Variants in TRMT9B observed in about 807,000 individuals in gnomAD.
The protein encoded by TRMT9B is probable tRNA methyltransferase 9B.
Under a neutral mutation model 11.5 loss-of-function variants are expected in TRMT9B, and 16 were observed. The ratio of observed to expected loss-of-function variants is 1.39; its 90% confidence interval spans 0.94 to 2.11. TRMT9B has a LOEUF of 2.11. Ranked by LOEUF, TRMT9B falls within the 30% of genes most tolerant of loss-of-function variation. The pLI is 0.00. For synonymous variants in TRMT9B, 274 were observed against 192.4 expected, an observed-to-expected ratio of 1.42 and a Z score of -3.51; for missense variants, 941 against 553.8, an observed-to-expected ratio of 1.70 and a Z score of -7.02.
intron 2 of TRMT9B, among the ~76,000 whole-genome samples, chr8:12,999,770 G>A (rs1809061815): frequency 6.6e-6 from 1 of 152,162 alleles, no homozygotes; most frequent in Non-Finnish European, 1.5e-5. Flanking sequence ...GAATTAGGGA[G>A]TGTAGAGGTT....
intron 1 of TRMT9B, among the ~76,000 whole-genome samples, chr8:12,956,209 G>T (rs1319173667): frequency 2.0e-5 from 3 of 152,184 alleles, no homozygotes; most frequent in Non-Finnish European, 4.4e-5. Flanking sequence ...GGAGATAGGA[G>T]TGAATGTTCT....
intron 1 of TRMT9B, among the ~76,000 whole-genome samples, chr8:12,982,920 T>C (rs1805651575): frequency 6.6e-6 from 1 of 152,190 alleles, no homozygotes; most frequent in South Asian, 2.1e-4. Flanking sequence ...TATCTATGTT[T>C]TCCTCGCATG....
At chr8:12,965,643 C>G (rs1362671190) in intron 1 of TRMT9B, among the ~76,000 whole-genome samples, 2 of 151,300 alleles carry the variant, frequency 1.3e-5, no homozygotes, top group African/African-American at 4.9e-5. Context: ...CCAAGGTAGA[C>G]TACAAGCAGG....
rs1418023864 is a variant in TRMT9B, at chr8:13,025,995, G to A, written c.*3951G>A. The A allele has an allele frequency of 1.2e-5, 2 of 166,994 alleles. No individual in the cohort carries two copies. The highest frequency in any genetic ancestry group is 4.8e-5 in the African/African-American group (2 of 41,424). 10.3% of individuals were successfully genotyped at this position (166,994 alleles called of 1,614,324 possible). The stretch of plus-strand genomic sequence containing the variant: ...ATTAATGGCCAAAAAAAAAGCACTG[G>A]TGGATTTTAAATTAAATTAATACAT... On this transcript the variant is annotated 3_prime_UTR_variant, in exon 5 of 5. Coordinates refer to ENST00000524591, the MANE Select transcript of TRMT9B (RefSeq NM_020844.3).
intron 1 of TRMT9B, among the ~76,000 whole-genome samples, chr8:12,979,772 T>G (rs1404677634): frequency 6.6e-6 from 1 of 152,202 alleles, no homozygotes; most frequent in Non-Finnish European, 1.5e-5. Flanking sequence ...ACCAACACAT[T>G]TTTTAAAATT....
At chr8:13,015,979 G>A (rs7823051) in intron 4 of TRMT9B, among the ~76,000 whole-genome samples, 38,841 of 150,932 alleles carry the variant, frequency 0.26, 5,927 homozygotes, top group East Asian at 0.6. Flanking sequence ...GCATGGTGAC[G>A]GGCACCTGAA....
chr8:12,999,581 A>G (rs1809022641), intron 2 of TRMT9B, among the ~76,000 whole-genome samples: 2 of 152,250 alleles, frequency 1.3e-5, no homozygotes, highest in South Asian at 4.1e-4. Flanking sequence ...CTAGAGTTCC[A>G]TCATTCATGA....
At chr8:12,959,516 C>CT (rs61536433) in intron 1 of TRMT9B, among the ~76,000 whole-genome samples, 5,716 of 74,528 alleles carry the variant, frequency 0.077, 748 homozygotes, top group African/African-American at 0.15. Context: ...TTTTTCCTTC[C>CT]TTTTTTTTTT....
rs754614787 is a variant in TRMT9B, at chr8:13,012,687, G to A, written c.158G>A (p.Cys53Tyr). ...KPGSLIADIGCGTGKYLKVNS... is the reference protein window; with the variant it reads ...KPGSLIADIGYGTGKYLKVNS... Reference sequence around the variant, plus strand: ...AACGCAGGTTTTTCTCTTATAGGTTGTGGGACTGGAAAATATCTTAAAGTG... The same window carrying A: ...AACGCAGGTTTTTCTCTTATAGGTTATGGGACTGGAAAATATCTTAAAGTG... The change falls in exon 4 of 5, where the codon TGT becomes TAT. Residue 53 changes from cysteine (C) to tyrosine (Y), a missense_variant. Coordinates refer to ENST00000524591, the MANE Select transcript of TRMT9B (RefSeq NM_020844.3). 2 of 1,612,644 alleles carry A rather than the reference G, an allele frequency of 1.2e-6. No homozygotes were observed. The highest frequency in any genetic ancestry group is 1.7e-6 in the Non-Finnish European group (2 of 1,179,104).
chr8:12,948,215 C>T (rs1228448137), intron 1 of TRMT9B, among the ~76,000 whole-genome samples: 1 of 152,006 alleles, frequency 6.6e-6, no homozygotes, highest in Non-Finnish European at 1.5e-5. Flanking sequence ...TGGGCAAAAC[C>T]ATCTAAGACA....
chr8:13,023,154 T>A lies in TRMT9B; in HGVS notation c.*1110T>A, dbSNP rs1029573838. ...TTATTAGCAAGATTGTTATCAATCATGCTTATTAGAAGGATGAATATCCAA... is the reference window on the plus strand; with the variant it reads ...TTATTAGCAAGATTGTTATCAATCAAGCTTATTAGAAGGATGAATATCCAA... On this transcript the variant is annotated 3_prime_UTR_variant, in exon 5 of 5. Coordinates refer to ENST00000524591, the MANE Select transcript of TRMT9B (RefSeq NM_020844.3). The A allele has an allele frequency of 3.0e-5, 5 of 167,130 alleles. No homozygotes were observed. The highest frequency in any genetic ancestry group is 9.6e-5 in the African/African-American group (4 of 41,462). The allele number at this position is 167,130 out of a possible 1,614,324, so 10.4% of individuals were successfully genotyped here.
chr8:13,008,853 C>G (rs991391923), intron 3 of TRMT9B, among the ~76,000 whole-genome samples: 2 of 152,148 alleles, frequency 1.3e-5, no homozygotes, highest in Admixed American at 1.3e-4. Flanking sequence ...CTCAGCCTCC[C>G]TAGTAGCTGG....
intron 1 of TRMT9B, among the ~76,000 whole-genome samples, chr8:12,950,962 G>T (rs902116186): frequency 2.0e-5 from 3 of 152,108 alleles, no homozygotes; most frequent in African/African-American, 4.8e-5. Flanking sequence ...CTCATTTTTC[G>T]TCACTAAGAA....
intron 1 of TRMT9B, chr8:12,952,055 TAAAATAGGTC>T (rs917991514): frequency 9.6e-6 from 3 of 311,654 alleles, no homozygotes; most frequent in African/African-American, 6.8e-5. Flanking sequence ...CCTCACACTC[TAAAATAGGTC>T]AAGGGGTGGA....
rs140268322 is a variant in TRMT9B, at chr8:13,024,821, A to T, written c.*2777A>T. ...TATGCATCCAGATATTATTTTGTAT[A>T]CAAATATTTAATTTGGTGATTGATA... On this transcript the variant is annotated 3_prime_UTR_variant, in exon 5 of 5. Coordinates refer to ENST00000524591, the MANE Select transcript of TRMT9B (RefSeq NM_020844.3). 109 of 167,076 alleles carry T rather than the reference A, an allele frequency of 6.5e-4. No individual in the cohort carries two copies. The highest frequency in any genetic ancestry group is 2.0e-3 in the African/African-American group (84 of 41,588). 10.3% of individuals were successfully genotyped at this position (167,076 alleles called of 1,614,324 possible). A position where few individuals can be genotyped will look rare whatever the true frequency, so the allele number is the denominator to read the frequency against.
chr8:13,010,371 G>A, intron 3 of TRMT9B: 1 of 978,566 alleles, frequency 1.0e-6, no homozygotes, highest in Non-Finnish European at 1.2e-6. Flanking sequence ...AGTTCAAAGG[G>A]ATGAGGAGAA....
intron 4 of TRMT9B, among the ~76,000 whole-genome samples, chr8:13,017,181 C>G (rs1339429868): frequency 6.6e-6 from 1 of 152,080 alleles, no homozygotes; most frequent in Non-Finnish European, 1.5e-5. Flanking sequence ...TAAAAAAAAT[C>G]TGCTTTATGC....
chr8:12,948,835 C>T (rs1414045612), intron 1 of TRMT9B, among the ~76,000 whole-genome samples: 15 of 152,130 alleles, frequency 9.9e-5, no homozygotes, highest in Admixed American at 9.8e-4. Context: ...TGGCAGGCGC[C>T]TGTAGTCCCC....
intron 1 of TRMT9B, among the ~76,000 whole-genome samples, chr8:12,949,103 A>G (rs576361282): frequency 7.9e-5 from 12 of 152,306 alleles, no homozygotes; most frequent in African/African-American, 2.4e-4. Context: ...CTTATTAATA[A>G]CAATCTTATG....
Sources: gnomAD v4.1 joint callset for allele counts (sites outside exome capture counted in the v4.1 genomes callset) on GRCh38, gnomAD v4.1.1 for gene constraint, MANE v1.5 for transcripts, NCBI Gene and HGNC (gene_info 2026-07-23, HGNC 2026-07-21) for gene names.